Variants in CHDH observed in about 807,000 individuals in gnomAD.
The protein encoded by CHDH is choline dehydrogenase, mitochondrial.
CHDH carries 43 observed loss-of-function variants against 56.9 expected under a neutral mutation model. The ratio of observed to expected loss-of-function variants is 0.76; its 90% confidence interval spans 0.59 to 0.97. The LOEUF is 0.97. CHDH is among the 50% of genes least tolerant of loss of function. CHDH has a pLI of 0.00. For synonymous variants in CHDH, 364 were observed against 348.5 expected, an observed-to-expected ratio of 1.04 and a Z score of -0.50; for missense variants, 816 against 821.1, an observed-to-expected ratio of 0.99 and a Z score of 0.08.
chr3:53,818,966 AG>A lies in CHDH; in HGVS notation c.1337del (p.Pro446LeufsTer2). On this transcript the variant is annotated frameshift_variant, in exon 8 of 9. Transcript: ENST00000315251. LOFTEE classifies it high-confidence loss of function. Reference sequence around the variant, plus strand: ...TTGACAAGTAGTTGGGCTGGATCACAGGGTGGTCTTGGGGATTGGCACTTCT... The same window carrying A: ...TTGACAAGTAGTTGGGCTGGATCACAGGTGGTCTTGGGGATTGGCACTTCT... ...KLRSANPQDH[P>X]VIQPNYLSTE... 1 of 1,613,718 alleles carries A rather than the reference AG, an allele frequency of 6.2e-7. No homozygotes were observed. Among genetic ancestry groups the A allele is most frequent in the Non-Finnish European group, 8.5e-7 (1 of 1,179,576 alleles).
chr3:53,833,731 A>G (rs1698410932), intron 2 of CHDH, among the ~76,000 whole-genome samples: 2 of 152,134 alleles, frequency 1.3e-5, no homozygotes, highest in South Asian at 2.1e-4. Flanking sequence ...CCTGAAACCA[A>G]CCATGTCCAG....
At position 53,817,744 on chromosome 3, in the gene CHDH, G is replaced by T; in HGVS notation, c.*33C>A. 6.4e-7 allele frequency: 1 copy of T among 1,551,606 alleles called. No individual in the cohort carries two copies. Among genetic ancestry groups the T allele is most frequent in the African/African-American group, 1.4e-5 (1 of 73,408 alleles). On this transcript the variant is annotated 3_prime_UTR_variant, in exon 9 of 9. Transcript: ENST00000315251. ...TGCTGGCCCTCTTGGCTTATCAGGG[G>T]GCTTCCCTGGTCATCCTCCAGCAGC... is the stretch of plus-strand genomic sequence containing the variant.
intron 3 of CHDH, among the ~76,000 whole-genome samples, chr3:53,822,936 G>A (rs901788855): frequency 7.2e-5 from 11 of 152,276 alleles, no homozygotes; most frequent in African/African-American, 1.9e-4. Context: ...CAGAAGCCCC[G>A]GGTCAGCCCT....
intron 8 of CHDH, 131 bp downstream of exon 8, chr3:53,818,807 A>G (rs1177407342): frequency 2.8e-6 from 2 of 723,216 alleles, no homozygotes; most frequent in African/African-American, 1.7e-5. Context: ...CTAAAGTGAC[A>G]CGGTGGGGGA....
At position 53,818,993 on chromosome 3, in the gene CHDH, C is replaced by G; in HGVS notation, c.1311G>C (p.Leu437=). Residue 437 remains leucine (L), a synonymous_variant, in exon 8 of 9, where the codon CTG becomes CTC. Transcript: ENST00000315251. ...GGTGGTCTTGGGGATTGGCACTTCT[C>G]AGTTTGAGCCAGCCCACACTCGTGC... ...MRGTSVGWLK[L]RSANPQDHPV... 6.2e-7 allele frequency: 1 copy of G among 1,614,056 alleles called. No homozygotes were observed. Among genetic ancestry groups the G allele is most frequent in the Non-Finnish European group, 8.5e-7 (1 of 1,179,932 alleles).
intron 4 of CHDH, 115 bp from the exon 5 acceptor site, chr3:53,821,891 T>A: frequency 7.3e-7 from 1 of 1,364,574 alleles, no homozygotes; most frequent in Non-Finnish European, 9.9e-7. Context: ...TGTAGAATCC[T>A]GTGGCACACC....
chr3:53,821,924 G>A, intron 4 of CHDH, 148 bp from the exon 5 acceptor site: 1 of 1,015,928 alleles, frequency 9.8e-7, no homozygotes, highest in Non-Finnish European at 1.4e-6. Context: ...CAGAGCTAAG[G>A]AGAGGAAACT....
At chr3:53,831,401 G>A (rs1196898946) in intron 2 of CHDH, among the ~76,000 whole-genome samples, 1 of 152,246 alleles carries the variant, frequency 6.6e-6, no homozygotes, top group African/African-American at 2.4e-5. Context: ...GAGCCCTGGG[G>A]CCTTGTGTGA....
At chr3:53,828,162 G>GAC (rs60594351) in intron 2 of CHDH, among the ~76,000 whole-genome samples, 7,768 of 145,176 alleles carry the variant, frequency 0.054, 246 homozygotes, top group African/African-American at 0.087. Flanking sequence ...GGAATAACTA[G>GAC]ACACACACAC....
chr3:53,831,393 G>A lies in CHDH; in HGVS notation c.-59-7326C>T, dbSNP rs551186564. ...GGCTTCACCGCTGGCTAACTGTAGA[G>A]CCCTGGGGCCTTGTGTGAATACAGG... On this transcript the variant is annotated intron_variant, in intron 2 of 8. Coordinates refer to ENST00000315251, the MANE Select transcript of CHDH (RefSeq NM_018397.5). Among the ~76,000 whole-genome samples the A allele has an allele frequency of 6.6e-5, 10 of 152,232 alleles. No homozygotes were observed. In the South Asian group the frequency reaches 1.9e-3, roughly 28 times the overall value.
In CHDH at chr3:53,821,629, G is replaced by T. The variant is rs1173056024; in HGVS notation, c.985+18C>A. 1 of 1,610,732 alleles carries T rather than the reference G, an allele frequency of 6.2e-7. No individual in the cohort carries two copies. Among genetic ancestry groups the T allele is most frequent in the Non-Finnish European group, 8.5e-7 (1 of 1,177,178 alleles). ...GAGCAGAGACAGCCTCTGGGGAGCA[G>T]TAAAGAAGGGGACTCACCAGGTAGG... On this transcript the variant is annotated intron_variant, in intron 5 of 8. Coordinates refer to ENST00000315251, the MANE Select transcript of CHDH (RefSeq NM_018397.5).
chr3:53,828,314 G>T (rs1196512504), intron 2 of CHDH, among the ~76,000 whole-genome samples: 2 of 151,992 alleles, frequency 1.3e-5, no homozygotes, highest in Non-Finnish European at 2.9e-5. Flanking sequence ...ACAGGAGAAA[G>T]AACCTCTAGA....
intron 3 of CHDH, among the ~76,000 whole-genome samples, chr3:53,823,053 T>G (rs1194023424): frequency 6.6e-6 from 1 of 152,124 alleles, no homozygotes; most frequent in African/African-American, 2.4e-5. Context: ...GAGAGCTGAT[T>G]CTCTGTTATC....
chr3:53,829,597 G>A (rs981826763), intron 2 of CHDH, among the ~76,000 whole-genome samples: 1 of 152,100 alleles, frequency 6.6e-6, no homozygotes, highest in African/African-American at 2.4e-5. Context: ...CTCCATTTTT[G>A]ATGTTTGACT....
At chr3:53,843,206 G>GTTCTTGC (rs1698735748) in intron 1 of CHDH, among the ~76,000 whole-genome samples, 1 of 123,672 alleles carries the variant, frequency 8.1e-6, no homozygotes, top group Non-Finnish European at 1.5e-5. Context: ...TTTTTTTTTG[G>GTTCTTGC]TTCTGCCTCT....
At chr3:53,824,822 T>C (rs556963519) in intron 2 of CHDH, among the ~76,000 whole-genome samples, 3 of 152,254 alleles carry the variant, frequency 2.0e-5, no homozygotes, top group South Asian at 4.1e-4. Flanking sequence ...AAAACCTCCA[T>C]TGAAAAGAAC....
rs116903221 is a variant in CHDH at position 53,824,123 on chromosome 3, C to G, written c.-59-56G>C. 523 of 1,041,984 alleles carry G rather than the reference C, an allele frequency of 5.0e-4. 2 individuals are homozygous for G. In the East Asian group the frequency reaches 7.1e-3, roughly 14 times the overall value. 64.5% of individuals were successfully genotyped at this position (1,041,984 alleles called of 1,614,324 possible). ...TAACTCCGCATATCCAGGGTATGCT[C>G]ACCAACGGCCTGCCGGGACAGGGTG... On this transcript the variant is annotated intron_variant, in intron 2 of 8. Transcript: ENST00000315251.
chr3:53,820,607 C>G lies in CHDH; in HGVS notation c.987G>C (p.Gly329=). 1 of 1,610,894 alleles carries G rather than the reference C, an allele frequency of 6.2e-7. No individual in the cohort carries two copies. The highest frequency in any genetic ancestry group is 2.2e-5 in the East Asian group (1 of 44,852). The change falls in exon 6 of 9, where the codon GGG becomes GGC. Residue 329 remains glycine, a splice_region_variant and synonymous_variant. Transcript: ENST00000315251. ...GGTGGTCTTGCAGGTTCTGGCCAACCCCTGATACGGGAAGGAGTGGTTTAG... is the reference window on the plus strand; with the variant it reads ...GGTGGTCTTGCAGGTTCTGGCCAACGCCTGATACGGGAAGGAGTGGTTTAG... ...LGIPVVCHLP[G]VGQNLQDHLE... is the part of the protein sequence containing the mutation.
At chr3:53,820,446 C>A in intron 6 of CHDH, 28 bp downstream of exon 6, 1 of 1,594,788 alleles carries the variant, frequency 6.3e-7, no homozygotes, top group Non-Finnish European at 8.5e-7. Context: ...AGGCAGTCTC[C>A]TCCCAGGTTA....
Sources: allele counts gnomAD v4.1 joint callset (sites outside exome capture counted in the v4.1 genomes callset), GRCh38; gene constraint gnomAD v4.1.1; transcripts MANE v1.5; gene names NCBI Gene and HGNC (gene_info 2026-07-23, HGNC 2026-07-21).